Variants in DISC1 observed in about 807,000 individuals in gnomAD.
The protein encoded by DISC1 is disrupted in schizophrenia 1 protein.
A neutral mutation model predicts 84.5 loss-of-function variants in DISC1; 57 were observed. The ratio of observed to expected loss-of-function variants is 0.67; its 90% CI spans 0.55 to 0.84. The LOEUF is 0.84. Ranked by LOEUF, DISC1 falls within the 40% of genes least tolerant of loss-of-function variation. DISC1 has a pLI of 0.00. For missense variants in DISC1, 1,000 were observed against 1,057.8 expected (o/e 0.95, Z 0.76); for synonymous variants, 411 against 415.2 (o/e 0.99, Z 0.12).
chr1:231,680,653 A>G (rs2125546427), intron 1 of DISC1, among the ~76,000 whole-genome samples: 1 of 152,362 alleles, frequency 6.6e-6, no homozygotes, highest in South Asian at 2.1e-4. Context: ...AGTGGCACAA[A>G]GCTTTGATGT....
rs559164594 is a variant in DISC1 at position 232,015,108 on chromosome 1, G to T, written c.2307+6059G>T. ...ACAAGCTGGCAGGTGGCTAAGAGAG[G>T]TGTTTCTTCTGTTCAGTGAGCTGGC... is the stretch of plus-strand genomic sequence containing the variant. On this transcript the variant is annotated intron_variant, in intron 11 of 12. Transcript: ENST00000439617. Among the ~76,000 whole-genome samples the T allele has an allele frequency of 2.6e-5, 4 of 152,258 alleles. No individual in the cohort carries two copies. The South Asian group carries it at 8.3e-4, about 32-fold the overall frequency.
At chr1:231,732,718 T>G (rs138350536) in intron 3 of DISC1, among the ~76,000 whole-genome samples, 1 of 152,360 alleles carries the variant, frequency 6.6e-6, no homozygotes, top group African/African-American at 2.4e-5. Flanking sequence ...CTCCAGTAAG[T>G]GCTTTCAATG....
chr1:231,852,462 G>A (rs575752059), intron 9 of DISC1, among the ~76,000 whole-genome samples: 3 of 152,324 alleles, frequency 2.0e-5, no homozygotes, highest in Non-Finnish European at 2.9e-5. Context: ...AAAATCAGAC[G>A]CAGCTTTTCT....
chr1:231,887,571 A>T (rs878983072), intron 9 of DISC1, among the ~76,000 whole-genome samples: 3 of 152,162 alleles, frequency 2.0e-5, no homozygotes, highest in Non-Finnish European at 4.4e-5. Context: ...TTTTCTCCCA[A>T]ACTTGTGAGT....
At chr1:231,885,134 A>G (rs2086590053) in intron 9 of DISC1, among the ~76,000 whole-genome samples, 1 of 152,234 alleles carries the variant, frequency 6.6e-6, no homozygotes, top group African/African-American at 2.4e-5. Context: ...GACATTTTTA[A>G]TAAAACTTAC....
At chr1:231,644,228 A>G (rs1000536272) in intron 1 of DISC1, among the ~76,000 whole-genome samples, 3 of 152,190 alleles carry the variant, frequency 2.0e-5, no homozygotes, top group Admixed American at 6.5e-5. Flanking sequence ...GGCAAGGACT[A>G]TAACCCCCAC....
At chr1:231,871,672 C>T (rs201172300) in intron 9 of DISC1, among the ~76,000 whole-genome samples, 1 of 152,194 alleles carries the variant, frequency 6.6e-6, no homozygotes, top group Non-Finnish European at 1.5e-5. Context: ...CCCTAAATCG[C>T]GGCCTCTCAT....
At chr1:231,805,276 T>C (rs1229715385) in intron 8 of DISC1, among the ~76,000 whole-genome samples, 4 of 152,218 alleles carry the variant, frequency 2.6e-5, no homozygotes, top group African/African-American at 9.6e-5. Context: ...CTGTCCTTCC[T>C]AGACATATCA....
chr1:231,930,635 G>A (rs904779059), intron 9 of DISC1, among the ~76,000 whole-genome samples: 1 of 152,098 alleles, frequency 6.6e-6, no homozygotes, highest in Non-Finnish European at 1.5e-5. Flanking sequence ...AGGGTTTTGT[G>A]ACTGATCTGA....
At chr1:231,706,983 C>T (rs1451891459) in intron 3 of DISC1, among the ~76,000 whole-genome samples, 2 of 152,200 alleles carry the variant, frequency 1.3e-5, no homozygotes, top group East Asian at 3.9e-4. Flanking sequence ...GCAGTTAGAA[C>T]CAGAATCCCT....
At chr1:231,727,262 A>G (rs2070848755) in intron 3 of DISC1, among the ~76,000 whole-genome samples, 1 of 151,902 alleles carries the variant, frequency 6.6e-6, no homozygotes, top group Admixed American at 6.6e-5. Flanking sequence ...ATGGATTCTT[A>G]TTTTCTGCTA....
intron 3 of DISC1, among the ~76,000 whole-genome samples, chr1:231,715,892 C>T (rs2068641755): frequency 6.6e-6 from 1 of 152,138 alleles, no homozygotes; most frequent in Admixed American, 6.5e-5. Flanking sequence ...GAGGACAGCT[C>T]AGCCGGGAAT....
intron 9 of DISC1, among the ~76,000 whole-genome samples, chr1:231,869,535 C>T (rs1422337363): frequency 6.6e-6 from 1 of 151,978 alleles, no homozygotes; most frequent in African/African-American, 2.4e-5. Flanking sequence ...AAGCATGACA[C>T]TGGCATCTGC....
intron 9 of DISC1, among the ~76,000 whole-genome samples, chr1:231,861,277 G>A (rs574830482): frequency 6.6e-6 from 1 of 150,486 alleles, no homozygotes; most frequent in African/African-American, 2.5e-5. Context: ...AGCCTTTTCT[G>A]TCATTGTTTT....
chr1:231,714,690 AAG>A (rs1049367829), intron 3 of DISC1, among the ~76,000 whole-genome samples: 7 of 150,938 alleles, frequency 4.6e-5, no homozygotes, highest in Non-Finnish European at 7.4e-5. Flanking sequence ...GAGAGACAGA[AAG>A]AGAGAGATAG....
intron 3 of DISC1, among the ~76,000 whole-genome samples, chr1:231,704,617 G>A (rs573844230): frequency 2.0e-5 from 3 of 151,958 alleles, no homozygotes; most frequent in South Asian, 4.2e-4. Context: ...AAAATTAGCC[G>A]GGCGTGGTGG....
At chr1:231,943,783 A>T (rs2091470244) in intron 9 of DISC1, 1 of 149,300 alleles carries the variant, frequency 6.7e-6, no homozygotes, top group Admixed American at 6.7e-5. Context: ...GAATGCAGTG[A>T]TGCAATCTTG....
chr1:231,761,935 C>CTA (rs1553339114), intron 4 of DISC1, among the ~76,000 whole-genome samples: 2 of 151,892 alleles, frequency 1.3e-5, no homozygotes, highest in Non-Finnish European at 2.9e-5. Flanking sequence ...GAACGAGTAA[C>CTA]TGCAAACAGG....
At chr1:231,839,523 CT>C (rs1294545921) in intron 9 of DISC1, among the ~76,000 whole-genome samples, 2 of 152,048 alleles carry the variant, frequency 1.3e-5, no homozygotes, top group Non-Finnish European at 2.9e-5. Flanking sequence ...CATGAGATAC[CT>C]TTTCACCAGG....
Sources: allele counts gnomAD v4.1 joint callset (sites outside exome capture counted in the v4.1 genomes callset), GRCh38; gene constraint gnomAD v4.1.1; transcripts MANE v1.5; gene names NCBI Gene and HGNC (gene_info 2026-07-23, HGNC 2026-07-21).